BBS4: variants seen among roughly 807,000 people sequenced by gnomAD.
BBS4 encodes Bardet-Biedl syndrome 4.
In BBS4, 58 loss-of-function variants were observed where a neutral mutation model predicts 71.4. That is an observed-to-expected ratio of 0.81 (90% CI 0.66 to 1.01). The LOEUF is 1.01. Among genes scored for constraint, BBS4 ranks in the 50% least tolerant of loss-of-function variants. The probability of loss-of-function intolerance (pLI) is 0.00; values close to 1 mark genes in which losing one functional copy is unlikely to be tolerated. For missense variants in BBS4, 660 were observed against 607.9 expected (o/e 1.09, Z -0.90); for synonymous variants, 228 against 216.8 (o/e 1.05, Z -0.46).
At chr15:72,720,486 CAAAAAAAAA>C (rs60677539) in intron 6 of BBS4, among the ~76,000 whole-genome samples, 4 of 121,454 alleles carry the variant, frequency 3.3e-5, no homozygotes, top group Non-Finnish European at 5.4e-5. Flanking sequence ...GACCCTGTCT[CAAAAAAAAA>C]AAAAAAAAAG....
chr15:72,738,441 CAA>C lies in BBS4; in HGVS notation c.*855_*856del, dbSNP rs748809330. ...GAAAATTGTTATTCAGGTATAAAAA[CAA>C]GAGATCATAATAAAAACCTAAAAGA... On this transcript the variant is annotated 3_prime_UTR_variant, in exon 16 of 16. Coordinates refer to ENST00000268057, the MANE Select transcript of BBS4 (RefSeq NM_033028.5). 1.6e-4 allele frequency: 59 copies of C among 374,020 alleles called. No individual in the cohort carries two copies. Among genetic ancestry groups the C allele is most frequent in the South Asian group, 7.1e-4 (34 of 47,744 alleles). 23.2% of individuals were successfully genotyped at this position (374,020 alleles called of 1,614,324 possible).
intron 2 of BBS4, among the ~76,000 whole-genome samples, chr15:72,700,844 T>G (rs2065157483): frequency 6.6e-6 from 1 of 152,214 alleles, no homozygotes; most frequent in African/African-American, 2.4e-5. Flanking sequence ...CTAGGAAATC[T>G]TGATCCTTAC....
intron 6 of BBS4, 117 bp downstream of exon 6, chr15:72,716,967 A>G (rs2065478465): frequency 3.9e-6 from 3 of 772,996 alleles, no homozygotes; most frequent in African/African-American, 3.5e-5. Flanking sequence ...TTTTAACCTC[A>G]TACTTAATTC....
At chr15:72,708,901 T>C (rs1256640989) in intron 2 of BBS4, among the ~76,000 whole-genome samples, 1 of 152,180 alleles carries the variant, frequency 6.6e-6, no homozygotes, top group Non-Finnish European at 1.5e-5. Context: ...AGTTTTCTGC[T>C]CTCAAACCCT....
rs923765107 is a variant in BBS4 at position 72,731,427 on chromosome 15, G to C, written c.834G>C (p.Met278Ile). The change falls in exon 11 of 16, where the codon ATG becomes ATC. Residue 278 changes from methionine (M) to isoleucine (I), a missense_variant. Transcript: ENST00000268057. ...CTCCACTCTGGAATAACATTGGAAT[G>C]TGTTTCTTTGGCAAGAAGAAATATG... ...ESPPLWNNIGMCFFGKKKYVA... is the reference protein window; with the variant it reads ...ESPPLWNNIGICFFGKKKYVA... The C allele has an allele frequency of 6.2e-7, 1 of 1,614,072 alleles. No homozygotes were observed. Among genetic ancestry groups the C allele is most frequent in the Admixed American group, 1.7e-5 (1 of 60,008 alleles).
intron 1 of BBS4, chr15:72,686,630 G>C (rs1171670626): frequency 8.3e-7 from 1 of 1,208,308 alleles, no homozygotes; most frequent in East Asian, 4.9e-5. Flanking sequence ...AACATGCCTG[G>C]AAGCTTGCAG....
chr15:72,716,038 A>C (rs2065463467), intron 5 of BBS4, among the ~76,000 whole-genome samples: 1 of 152,136 alleles, frequency 6.6e-6, no homozygotes, highest in African/African-American at 2.4e-5. Flanking sequence ...GAACAGAGTA[A>C]GTGTTCTGAG....
rs1380941115 is a variant in BBS4, at chr15:72,723,888, G to GAAATATATTT, written c.460-638_460-629dup. Among the ~76,000 whole-genome samples the GAAATATATTT allele has an allele frequency of 2.0e-5, 3 of 152,166 alleles. No homozygotes were observed. The East Asian group carries it at 5.8e-4, about 29-fold the overall frequency. The stretch of plus-strand genomic sequence containing the variant: ...TCTTTGGTTGGATCTGTGCTGAGAA[G>GAAATATATTT]AAATATATTTAGATTTTACTGTACA... On this transcript the variant is annotated intron_variant, in intron 7 of 15. Coordinates refer to ENST00000268057, the MANE Select transcript of BBS4 (RefSeq NM_033028.5).
At chr15:72,705,792 C>T (rs1385740628) in intron 2 of BBS4, among the ~76,000 whole-genome samples, 1 of 151,776 alleles carries the variant, frequency 6.6e-6, no homozygotes, top group Non-Finnish European at 1.5e-5. Context: ...TGGGGTTTGT[C>T]CAGGCTGGCC....
At chr15:72,711,992 T>A (rs1367643980) in intron 3 of BBS4, among the ~76,000 whole-genome samples, 1 of 152,044 alleles carries the variant, frequency 6.6e-6, no homozygotes, top group Non-Finnish European at 1.5e-5. Context: ...CTCAGCCTCC[T>A]GAGTAGCTGG....
intron 12 of BBS4, among the ~76,000 whole-genome samples, chr15:72,732,480 A>T (rs1359603612): frequency 6.6e-6 from 1 of 152,250 alleles, no homozygotes; most frequent in African/African-American, 2.4e-5. Flanking sequence ...TTTACTTACT[A>T]AATGTAAGAC....
chr15:72,720,568 G>A (rs1351516545), intron 6 of BBS4, among the ~76,000 whole-genome samples: 1 of 151,912 alleles, frequency 6.6e-6, no homozygotes, highest in Non-Finnish European at 1.5e-5. Flanking sequence ...TGCTGCAACA[G>A]GGGAATAGTA....
intron 4 of BBS4, among the ~76,000 whole-genome samples, chr15:72,712,790 T>C (rs2065399155): frequency 6.6e-6 from 1 of 152,264 alleles, no homozygotes; most frequent in Non-Finnish European, 1.5e-5. Flanking sequence ...TTATGTTGTA[T>C]ACTAATGTAG....
At chr15:72,702,205 A>G (rs1189250533) in intron 2 of BBS4, among the ~76,000 whole-genome samples, 1 of 152,184 alleles carries the variant, frequency 6.6e-6, no homozygotes, top group Non-Finnish European at 1.5e-5. Context: ...CCAAACATTT[A>G]CATTGTAATA....
At chr15:72,698,129 G>T in intron 2 of BBS4, 1 of 440,984 alleles carries the variant, frequency 2.3e-6, no homozygotes. Context: ...CCATAGCTGA[G>T]GATGAGTTTT....
At chr15:72,733,882 T>C (rs1162321152) in intron 12 of BBS4, among the ~76,000 whole-genome samples, 1 of 152,202 alleles carries the variant, frequency 6.6e-6, no homozygotes, top group African/African-American at 2.4e-5. Flanking sequence ...TAATTTACAC[T>C]CCCATCAACA....
rs756415809 is a variant in BBS4 at position 72,707,177 on chromosome 15, C to CTTTTTTTT, written c.77-2519_77-2518insTTTTTTTT. On this transcript the variant is annotated intron_variant, in intron 2 of 15. Coordinates refer to ENST00000268057, the MANE Select transcript of BBS4 (RefSeq NM_033028.5). The stretch of plus-strand genomic sequence containing the variant: ...GCTCTTCCCTTTCTTTTCCTTTTTT[C>CTTTTTTTT]TTTTCTTTTTTTTTTTTTGGAGACA... Among the ~76,000 whole-genome samples the CTTTTTTTT allele has an allele frequency of 7.0e-4, 93 of 132,304 alleles. 10 individuals are homozygous for CTTTTTTTT. The highest frequency in any genetic ancestry group is 8.1e-4 in the Non-Finnish European group (49 of 60,540). The allele number at this position is 132,304 out of a possible 152,430, so 86.8% of individuals were successfully genotyped here.
chr15:72,692,421 T>C (rs767358692), intron 1 of BBS4, among the ~76,000 whole-genome samples: 1 of 144,382 alleles, frequency 6.9e-6, no homozygotes, highest in Non-Finnish European at 1.5e-5. Context: ...GCTCAAGTGA[T>C]CCTTCCACCT....
intron 2 of BBS4, among the ~76,000 whole-genome samples, chr15:72,697,567 C>G (rs1388822536): frequency 2.0e-5 from 3 of 152,302 alleles, no homozygotes; most frequent in African/African-American, 7.2e-5. Context: ...AAATTGTTCC[C>G]ACTTGAGAAC....
Sources: allele counts gnomAD v4.1 joint callset (sites outside exome capture counted in the v4.1 genomes callset), GRCh38; gene constraint gnomAD v4.1.1; transcripts MANE v1.5; gene names NCBI Gene and HGNC (gene_info 2026-07-23, HGNC 2026-07-21).